The following HEMK2 variants were observed in gnomAD, a reference collection of about 807,000 sequenced individuals.
HEMK2 encodes methyltransferase HEMK2.
chr21:28,885,129 T>A, the HEMK2 span: 1 of 1,443,742 alleles, frequency 6.9e-7, no homozygotes. Context: ...AGGGCGGTGA[T>A]AGTCACCGTT....
chr21:28,744,282 T>A, the HEMK2 span, among the ~76,000 whole-genome samples: 2 of 151,736 alleles, frequency 1.3e-5, no homozygotes, highest in South Asian at 4.2e-4. Context: ...AATTAACAAT[T>A]AAAAAAAGAA....
At chr21:28,760,685 G>T in the HEMK2 span, among the ~76,000 whole-genome samples, 1 of 152,062 alleles carries the variant, frequency 6.6e-6, no homozygotes, top group African/African-American at 2.4e-5. Flanking sequence ...ATTTTTAGAG[G>T]ATAGTCATTT....
At chr21:28,678,208 T>C in the HEMK2 span, among the ~76,000 whole-genome samples, 10 of 152,302 alleles carry the variant, frequency 6.6e-5, no homozygotes, top group East Asian at 7.7e-4. Context: ...AAGGACCTGA[T>C]GGAGCTGAAA....
the HEMK2 span, among the ~76,000 whole-genome samples, chr21:28,682,235 G>A: frequency 1.3e-5 from 2 of 152,078 alleles, no homozygotes; most frequent in African/African-American, 4.8e-5. Context: ...TCAAAAAGTG[G>A]GTGAAGGATA....
chr21:28,833,683 G>A, the HEMK2 span, among the ~76,000 whole-genome samples: 1 of 152,144 alleles, frequency 6.6e-6, no homozygotes, highest in African/African-American at 2.4e-5. Context: ...ATATGCCCAC[G>A]TTTAGGGAAA....
At chr21:28,592,016 A>G in the HEMK2 span, among the ~76,000 whole-genome samples, 2 of 152,164 alleles carry the variant, frequency 1.3e-5, no homozygotes, top group Non-Finnish European at 2.9e-5. Flanking sequence ...GAACATACGC[A>G]TGCATGTAAT....
the HEMK2 span, among the ~76,000 whole-genome samples, chr21:28,863,123 G>C: frequency 1.3e-5 from 2 of 151,986 alleles, no homozygotes; most frequent in Non-Finnish European, 2.9e-5. Context: ...ATTAACATTT[G>C]AGTCAGTGGG....
the HEMK2 span, among the ~76,000 whole-genome samples, chr21:28,596,424 T>C: frequency 6.6e-6 from 1 of 152,214 alleles, no homozygotes; most frequent in African/African-American, 2.4e-5. Context: ...AAATAACACA[T>C]ACACTAAATC....
At chr21:28,608,482 T>C in the HEMK2 span, among the ~76,000 whole-genome samples, 25 of 151,258 alleles carry the variant, frequency 1.7e-4, no homozygotes, top group African/African-American at 6.1e-4. Context: ...CAGAGCAGCA[T>C]ATGGAGACCC....
chr21:28,819,743 TTTCACCATG>T, the HEMK2 span, among the ~76,000 whole-genome samples: 1 of 151,964 alleles, frequency 6.6e-6, no homozygotes, highest in Non-Finnish European at 1.5e-5. Context: ...AGAGACGGAA[TTTCACCATG>T]TTGGCCAGGA....
At chr21:28,626,060 G>C in the HEMK2 span, among the ~76,000 whole-genome samples, 1 of 151,710 alleles carries the variant, frequency 6.6e-6, no homozygotes, top group Non-Finnish European at 1.5e-5. Context: ...AAACCCACAG[G>C]AAACAGTAAA....
chr21:28,628,544 T>C, the HEMK2 span, among the ~76,000 whole-genome samples: 5 of 152,166 alleles, frequency 3.3e-5, no homozygotes, highest in Non-Finnish European at 7.3e-5. Flanking sequence ...CTCTGCCTCC[T>C]GGGTTCAAGT....
At chr21:28,634,901 T>C in the HEMK2 span, among the ~76,000 whole-genome samples, 4 of 152,166 alleles carry the variant, frequency 2.6e-5, no homozygotes, top group African/African-American at 9.7e-5. Context: ...TTACACCAGG[T>C]ATTCTTGAAC....
chr21:28,585,921 G>T, the HEMK2 span, among the ~76,000 whole-genome samples: 1 of 152,244 alleles, frequency 6.6e-6, no homozygotes, highest in African/African-American at 2.4e-5. Flanking sequence ...GAAATCATAA[G>T]GCACAGATAG....
the HEMK2 span, among the ~76,000 whole-genome samples, chr21:28,628,251 A>G: frequency 0.061 from 9,285 of 152,190 alleles, 392 homozygotes; most frequent in Non-Finnish European, 0.094. Context: ...TTTTTATTTG[A>G]CATGCTAACT....
At chr21:28,692,574 G>T in the HEMK2 span, among the ~76,000 whole-genome samples, 2 of 151,850 alleles carry the variant, frequency 1.3e-5, no homozygotes. Context: ...AAACCAAAAT[G>T]ATTAATAGTA....
At chr21:28,639,644 T>C in the HEMK2 span, among the ~76,000 whole-genome samples, 1 of 152,232 alleles carries the variant, frequency 6.6e-6, no homozygotes, top group Non-Finnish European at 1.5e-5. Context: ...ATTAGCATTA[T>C]ATTAATTTAT....
the HEMK2 span, chr21:28,873,957 C>T: frequency 6.6e-6 from 1 of 152,216 alleles, no homozygotes; most frequent in African/African-American, 2.4e-5. Flanking sequence ...CCTATTCTGA[C>T]CCCTTGATTC....
At chr21:28,695,790 CT>C in the HEMK2 span, among the ~76,000 whole-genome samples, 3 of 35,450 alleles carry the variant, frequency 8.5e-5, no homozygotes, top group Non-Finnish European at 1.3e-4. Flanking sequence ...GTAAGTCTTA[CT>C]TAACTCATTT....
Sources: gnomAD v4.1 joint callset for allele counts (sites outside exome capture counted in the v4.1 genomes callset) on GRCh38, gnomAD v4.1.1 for gene constraint, MANE v1.5 for transcripts, NCBI Gene and HGNC (gene_info 2026-07-23, HGNC 2026-07-21) for gene names.